Variants in PTPRD observed in about 807,000 individuals in gnomAD.
PTPRD encodes the protein receptor-type tyrosine-protein phosphatase delta.
In PTPRD, 34 loss-of-function variants were observed where a neutral mutation model predicts 214.5. The observed-to-expected ratio is 0.16, with a 90% confidence interval of 0.12 to 0.21. The LOEUF is 0.21. Among genes scored for constraint, PTPRD ranks in the 10% least tolerant of loss-of-function variants. The probability of loss-of-function intolerance (pLI) is 1.00; values close to 1 mark genes in which losing one functional copy is unlikely to be tolerated. For synonymous variants in PTPRD, 1,128 were observed against 845.7 expected (o/e 1.33, Z -5.79); for missense variants, 2,545 against 2,398.7 (o/e 1.06, Z -1.27).
At chr9:9,912,858 C>G (rs540274276) in intron 5 of PTPRD, among the ~76,000 whole-genome samples, 1 of 152,090 alleles carries the variant, frequency 6.6e-6, no homozygotes, top group African/African-American at 2.4e-5. Flanking sequence ...TGCTAATGTT[C>G]TAACTTCCTC....
intron 2 of PTPRD, among the ~76,000 whole-genome samples, chr9:10,603,227 G>A (rs2078429264): frequency 6.6e-6 from 1 of 151,732 alleles, no homozygotes; most frequent in Non-Finnish European, 1.5e-5. Flanking sequence ...CCCAAAGGAA[G>A]AAAAAAATAC....
intron 14 of PTPRD, among the ~76,000 whole-genome samples, chr9:8,550,528 T>C (rs1013877426): frequency 1.3e-5 from 2 of 152,210 alleles, no homozygotes; most frequent in African/African-American, 4.8e-5. Flanking sequence ...ACCTACTGGA[T>C]AATGTATCTA....
chr9:9,642,972 T>C (rs1453468657), intron 7 of PTPRD, among the ~76,000 whole-genome samples: 2 of 152,222 alleles, frequency 1.3e-5, no homozygotes, highest in Non-Finnish European at 2.9e-5. Flanking sequence ...CAACTGTCTT[T>C]AAACTTTTAG....
At chr9:8,759,420 C>T (rs567970518) in intron 11 of PTPRD, among the ~76,000 whole-genome samples, 1 of 152,164 alleles carries the variant, frequency 6.6e-6, no homozygotes, top group East Asian at 1.9e-4. Context: ...TTTAAAGCTT[C>T]TGTTCTCTGC....
At chr9:8,619,150 A>C (rs780845973) in intron 14 of PTPRD, among the ~76,000 whole-genome samples, 5 of 151,964 alleles carry the variant, frequency 3.3e-5, no homozygotes, top group Admixed American at 6.6e-5. Flanking sequence ...TGAAATAGTT[A>C]AATCTTGCTC....
intron 8 of PTPRD, among the ~76,000 whole-genome samples, chr9:9,517,122 G>A (rs1305686288): frequency 6.6e-6 from 1 of 152,008 alleles, no homozygotes; most frequent in Admixed American, 6.6e-5. Flanking sequence ...ATTAATTTAT[G>A]CTAAATTATG....
chr9:10,004,018 T>C (rs1483213619), intron 4 of PTPRD, among the ~76,000 whole-genome samples: 1 of 151,952 alleles, frequency 6.6e-6, no homozygotes, highest in African/African-American at 2.4e-5. Flanking sequence ...GGTTATTTTA[T>C]TTAACCCTGG....
intron 14 of PTPRD, among the ~76,000 whole-genome samples, chr9:8,632,413 T>C (rs971751558): frequency 6.6e-6 from 1 of 152,008 alleles, no homozygotes; most frequent in Non-Finnish European, 1.5e-5. Context: ...GATTGTTTCC[T>C]TTCCAATTTC....
intron 12 of PTPRD, among the ~76,000 whole-genome samples, chr9:8,704,376 G>A (rs1298310132): frequency 1.3e-5 from 2 of 152,128 alleles, no homozygotes; most frequent in Admixed American, 6.5e-5. Context: ...TTACAGGGAA[G>A]GAGGAAAGCA....
At chr9:8,681,985 A>G (rs1377075330) in intron 12 of PTPRD, among the ~76,000 whole-genome samples, 2 of 152,208 alleles carry the variant, frequency 1.3e-5, no homozygotes, top group African/African-American at 4.8e-5. Flanking sequence ...TTCTACAAAC[A>G]TTTCCCACAA....
chr9:10,437,198 G>A (rs1002017652), intron 2 of PTPRD, among the ~76,000 whole-genome samples: 1 of 151,648 alleles, frequency 6.6e-6, no homozygotes, highest in Non-Finnish European at 1.5e-5. Context: ...AAATGGTTTT[G>A]GAATCCACAT....
chr9:9,645,551 T>C (rs563167471), intron 7 of PTPRD, among the ~76,000 whole-genome samples: 1 of 151,326 alleles, frequency 6.6e-6, no homozygotes, highest in Non-Finnish European at 1.5e-5. Flanking sequence ...CATTCTAGCT[T>C]GAGATTTTAA....
chr9:9,038,297 G>T (rs1383794945), intron 10 of PTPRD, among the ~76,000 whole-genome samples: 7 of 152,130 alleles, frequency 4.6e-5, no homozygotes, highest in Non-Finnish European at 1.0e-4. Context: ...CCTACCACAG[G>T]ACAGTTTGGT....
At position 10,048,889 on chromosome 9, in the gene PTPRD, C is replaced by T. The variant is rs180748363; in HGVS notation, c.-544-15099G>A. ...TTTTAACAGAGTCAAATTTAGCAAG[C>T]AGAAAGAGCAGAAAGGTGGTGGTAG... On this transcript the variant is annotated intron_variant, in intron 3 of 45. Coordinates refer to ENST00000381196, the MANE Select transcript of PTPRD (RefSeq NM_002839.4). Among the ~76,000 whole-genome samples, 105 of 151,960 alleles carry T rather than the reference C, an allele frequency of 6.9e-4. 2 individuals are homozygous for T. The South Asian group carries it at 0.02, about 29-fold the overall frequency.
chr9:9,289,396 T>C (rs553720103), intron 9 of PTPRD, among the ~76,000 whole-genome samples: 1 of 151,892 alleles, frequency 6.6e-6, no homozygotes, highest in Non-Finnish European at 1.5e-5. Context: ...ATGTGTACAA[T>C]GTGATTTCAT....
chr9:9,931,984 C>T (rs2086828239), intron 5 of PTPRD, among the ~76,000 whole-genome samples: 1 of 152,058 alleles, frequency 6.6e-6, no homozygotes, highest in Non-Finnish European at 1.5e-5. Flanking sequence ...CCTCACACAG[C>T]AGAGTACTCC....
rs1439272694 is a variant in PTPRD, at chr9:8,436,611, T to G, written c.4067A>C (p.Lys1356Thr). 3.7e-6 allele frequency: 6 copies of G among 1,612,952 alleles called. No individual in the cohort carries two copies. The highest frequency in any genetic ancestry group is 5.1e-6 in the Non-Finnish European group (6 of 1,179,310). Residue 1356 changes from lysine (K) to threonine (T), a missense_variant, in exon 35 of 46, where the codon AAG becomes ACG. Physicochemically the swap from Lys to Thr is moderately conservative, Grantham distance 78 (BLOSUM62 -1). Transcript: ENST00000381196. ...IERLKANDNL[K>T]FSQEYESIDP... ...AATTACCTCATATTCCTGGGAAAACTTCAAGTTGTCATTTGCTTTCAATCT... is the reference window on the plus strand; with the variant it reads ...AATTACCTCATATTCCTGGGAAAACGTCAAGTTGTCATTTGCTTTCAATCT...
intron 9 of PTPRD, among the ~76,000 whole-genome samples, chr9:9,233,414 G>T (rs1189873486): frequency 6.6e-6 from 1 of 152,126 alleles, no homozygotes; most frequent in African/African-American, 2.4e-5. Context: ...GATGAGATTT[G>T]GGTGGTGACA....
chr9:8,917,135 C>CT (rs35316380), intron 11 of PTPRD, among the ~76,000 whole-genome samples: 5,469 of 114,276 alleles, frequency 0.048, 399 homozygotes, highest in African/African-American at 0.16. Context: ...TCTTCTTCTT[C>CT]TTTTTTTTTT....
Sources: allele counts gnomAD v4.1 joint callset (sites outside exome capture counted in the v4.1 genomes callset), GRCh38; gene constraint gnomAD v4.1.1; transcripts MANE v1.5; gene names NCBI Gene and HGNC (gene_info 2026-07-23, HGNC 2026-07-21).